Variants in HECW1 observed in about 807,000 individuals in gnomAD.
HECW1 encodes the protein HECT, C2 and WW domain containing E3 ubiquitin protein ligase 1, also known as E3 ubiquitin-protein ligase HECW1.
A neutral mutation model predicts 182.3 loss-of-function variants in HECW1; 61 were observed. The ratio of observed to expected loss-of-function variants is 0.33; its 90% CI spans 0.27 to 0.41. The LOEUF is 0.41. HECW1 is among the 10% of genes least tolerant of loss of function. HECW1 has a pLI of 1.00. For synonymous variants in HECW1, 859 were observed against 832.6 expected, an observed-to-expected ratio of 1.03 and a Z score of -0.55; for missense variants, 1,739 against 2,108.9, an observed-to-expected ratio of 0.82 and a Z score of 3.44.
chr7:43,517,171 A>G (rs912954822), intron 24 of HECW1, among the ~76,000 whole-genome samples: 1 of 152,158 alleles, frequency 6.6e-6, no homozygotes, highest in Non-Finnish European at 1.5e-5. Flanking sequence ...GATGCTGTTA[A>G]TCAGTTTCTC....
chr7:43,275,708 GCA>G (rs146476821), intron 3 of HECW1, among the ~76,000 whole-genome samples: 190 of 145,506 alleles, frequency 1.3e-3, no homozygotes, highest in Admixed American at 1.5e-3. Context: ...TTATGCGCAC[GCA>G]CACACACACA....
chr7:43,160,602 G>A (rs1008754313), intron 2 of HECW1, among the ~76,000 whole-genome samples: 2 of 152,124 alleles, frequency 1.3e-5, no homozygotes, highest in African/African-American at 4.8e-5. Flanking sequence ...ACGTATCAGT[G>A]TTTGTTTTTG....
At chr7:43,187,870 T>C (rs186616665) in intron 2 of HECW1, among the ~76,000 whole-genome samples, 2 of 152,276 alleles carry the variant, frequency 1.3e-5, no homozygotes, top group South Asian at 4.1e-4. Context: ...AAAAGTGATA[T>C]ACTACAGCAC....
At position 43,444,696 on chromosome 7, in the gene HECW1, G is replaced by A. The variant is rs758487641; in HGVS notation, c.1524G>A (p.Glu508=). 2 of 1,608,430 alleles carry A rather than the reference G, an allele frequency of 1.2e-6. No individual in the cohort carries two copies. Among genetic ancestry groups the A allele is most frequent in the Middle Eastern group, 1.6e-4 (1 of 6,078 alleles). ...AAGAAGAGGAGAAGGAGCAGGAGGA[G>A]GAGGGAGATGTGTCTACCCTGGAGC... ...GREEEEKEQE[E]EGDVSTLEQG... Residue 508 remains glutamate (E), a synonymous_variant, in exon 11 of 30, where the codon GAG becomes GAA. Coordinates refer to ENST00000395891, the MANE Select transcript of HECW1 (RefSeq NM_015052.5). The surrounding 1 kb of genome is among the most constrained non-coding windows in gnomAD (Gnocchi z 4.3).
chr7:43,115,046 C>T (rs1233701281), intron 2 of HECW1, among the ~76,000 whole-genome samples: 1 of 152,224 alleles, frequency 6.6e-6, no homozygotes, highest in East Asian at 1.9e-4. Context: ...GCCTGAGTCT[C>T]ATTCCTCATG....
intron 5 of HECW1, among the ~76,000 whole-genome samples, chr7:43,358,583 CA>C (rs34421255): frequency 6.6e-6 from 1 of 151,900 alleles, no homozygotes; most frequent in Non-Finnish European, 1.5e-5. Context: ...TAAATGGCTT[CA>C]AAAAAATTTA....
chr7:43,116,279 A>G (rs1785041034), intron 2 of HECW1, among the ~76,000 whole-genome samples: 1 of 152,180 alleles, frequency 6.6e-6, no homozygotes, highest in South Asian at 2.1e-4. Context: ...AATTTATCTG[A>G]TAACTGCTCT....
At chr7:43,208,141 T>C (rs1206406666) in intron 2 of HECW1, among the ~76,000 whole-genome samples, 4 of 152,218 alleles carry the variant, frequency 2.6e-5, no homozygotes, top group Non-Finnish European at 5.9e-5. Context: ...TTCCCTATTA[T>C]TGAAACCCTC....
chr7:43,135,931 A>G (rs1037264680), intron 2 of HECW1, among the ~76,000 whole-genome samples: 1 of 148,146 alleles, frequency 6.8e-6, no homozygotes, highest in Non-Finnish European at 1.5e-5. Context: ...AAGGCCTTTT[A>G]TGCTTTTATG....
intron 14 of HECW1, among the ~76,000 whole-genome samples, chr7:43,464,164 T>C (rs1350794171): frequency 2.6e-5 from 4 of 152,274 alleles, no homozygotes; most frequent in African/African-American, 9.6e-5. Context: ...TTTTATTTAT[T>C]TATAAGTTAT....
At chr7:43,256,817 G>A (rs1278281840) in intron 3 of HECW1, among the ~76,000 whole-genome samples, 4 of 151,914 alleles carry the variant, frequency 2.6e-5, no homozygotes, top group Non-Finnish European at 4.4e-5. Flanking sequence ...TCTGCATCTG[G>A]CTTCCCCTCC....
At chr7:43,399,592 G>C (rs2075338397) in intron 7 of HECW1, among the ~76,000 whole-genome samples, 1 of 152,164 alleles carries the variant, frequency 6.6e-6, no homozygotes, top group Admixed American at 6.5e-5. Flanking sequence ...GGAGGGGACA[G>C]TCTCTATTCC....
intron 14 of HECW1, among the ~76,000 whole-genome samples, chr7:43,466,129 AAG>A (rs2077769690): frequency 6.7e-6 from 1 of 149,880 alleles, no homozygotes; most frequent in Admixed American, 6.6e-5. Context: ...AAGAAAAAGA[AAG>A]AAAGGGAAAG....
At chr7:43,274,185 G>A (rs1008257432) in intron 3 of HECW1, 4 of 496,126 alleles carry the variant, frequency 8.1e-6, no homozygotes, top group African/African-American at 2.0e-5. Flanking sequence ...CACTAAAAGA[G>A]TACAAGGTGG....
chr7:43,333,233 A>G (rs1335445829), intron 5 of HECW1, among the ~76,000 whole-genome samples: 1 of 152,212 alleles, frequency 6.6e-6, no homozygotes, highest in Non-Finnish European at 1.5e-5. Flanking sequence ...ATTCTACCAA[A>G]ATGGAGGTCT....
chr7:43,140,031 T>A (rs1787995926), intron 2 of HECW1, among the ~76,000 whole-genome samples: 1 of 152,222 alleles, frequency 6.6e-6, no homozygotes, highest in Non-Finnish European at 1.5e-5. Context: ...TAAAGGTTAT[T>A]TGCAATGTGA....
intron 2 of HECW1, among the ~76,000 whole-genome samples, chr7:43,115,213 C>G (rs781763378): frequency 1.3e-5 from 2 of 151,712 alleles, no homozygotes; most frequent in Non-Finnish European, 2.9e-5. Flanking sequence ...GTAGAATCTG[C>G]GGCTTATTTT....
At chr7:43,248,638 A>T (rs1338218050) in intron 3 of HECW1, 1 of 152,462 alleles carries the variant, frequency 6.6e-6, no homozygotes, top group Non-Finnish European at 1.5e-5. Context: ...ATTGATTTGG[A>T]ACCTCCATTG....
chr7:43,314,383 GTTGTGT>G (rs1808917733), intron 4 of HECW1, among the ~76,000 whole-genome samples: 2 of 152,184 alleles, frequency 1.3e-5, no homozygotes, highest in African/African-American at 4.8e-5. Flanking sequence ...TCACTCTAGT[GTTGTGT>G]ATAGAAAGAG....
Sources: allele counts gnomAD v4.1 joint callset (sites outside exome capture counted in the v4.1 genomes callset), GRCh38; gene constraint gnomAD v4.1.1; non-coding constraint Gnocchi (gnomAD v3.1); transcripts MANE v1.5; gene names NCBI Gene and HGNC (gene_info 2026-07-23, HGNC 2026-07-21).